Variants in MSI2 observed in about 807,000 individuals in gnomAD.
MSI2 encodes the protein musashi RNA binding protein 2, also known as RNA-binding protein Musashi homolog 2.
A neutral mutation model predicts 45.6 loss-of-function variants in MSI2; 17 were observed. The observed-to-expected ratio is 0.37, with a 90% CI of 0.26 to 0.56. MSI2 has a LOEUF of 0.56. Among genes scored for constraint, MSI2 ranks in the 20% least tolerant of loss-of-function variants. The pLI is 0.77. For missense variants in MSI2, 293 were observed against 444.2 expected (o/e 0.66, Z 3.06); for synonymous variants, 156 against 158.2 (o/e 0.99, Z 0.11).
At chr17:57,401,348 A>G (rs1256054663) in intron 5 of MSI2, 31 bp from the exon 6 acceptor site, 1 of 1,576,196 alleles carries the variant, frequency 6.3e-7, no homozygotes, top group East Asian at 2.2e-5. Flanking sequence ...AACCTGGTTA[A>G]CCCATGCCTT....
intron 5 of MSI2, among the ~76,000 whole-genome samples, chr17:57,331,909 T>TACAAC (rs1384318331): frequency 3.9e-5 from 6 of 152,234 alleles, no homozygotes; most frequent in African/African-American, 1.4e-4. Context: ...CTTTTAGTGT[T>TACAAC]ACAACCTTGA....
At chr17:57,288,370 G>A (rs1377120804) in intron 5 of MSI2, among the ~76,000 whole-genome samples, 5 of 152,144 alleles carry the variant, frequency 3.3e-5, no homozygotes, top group Admixed American at 1.3e-4. Flanking sequence ...GCTTTGGACC[G>A]AGAGGCCCGA....
At chr17:57,517,899 G>A (rs1032159198) in intron 6 of MSI2, among the ~76,000 whole-genome samples, 9 of 152,268 alleles carry the variant, frequency 5.9e-5, no homozygotes, top group South Asian at 2.1e-4. Context: ...GGGAGGCACC[G>A]TAGTACAGGG....
chr17:57,358,866 A>G (rs1916629087), intron 5 of MSI2, among the ~76,000 whole-genome samples: 1 of 152,138 alleles, frequency 6.6e-6, no homozygotes, highest in African/African-American at 2.4e-5. Flanking sequence ...GCTAGGGCCC[A>G]GCCCTAGCAA....
intron 5 of MSI2, among the ~76,000 whole-genome samples, chr17:57,352,807 C>T (rs1916126776): frequency 6.6e-6 from 1 of 152,166 alleles, no homozygotes; most frequent in African/African-American, 2.4e-5. Flanking sequence ...CTCTGGCTAC[C>T]AGTTTGCCTT....
intron 4 of MSI2, among the ~76,000 whole-genome samples, chr17:57,259,413 GTGA>G (rs1040637397): frequency 1.3e-5 from 2 of 152,196 alleles, no homozygotes; most frequent in African/African-American, 2.4e-5. Context: ...GTGGACCAAG[GTGA>G]TCTTTCAAGC....
At chr17:57,527,247 C>T (rs919004746) in intron 6 of MSI2, among the ~76,000 whole-genome samples, 1 of 111,078 alleles carries the variant, frequency 9.0e-6, no homozygotes, top group Non-Finnish European at 1.8e-5. Flanking sequence ...CTGCGTGATA[C>T]CTGGCAGGAC....
intron 1 of MSI2, 32 bp downstream of exon 1, chr17:57,256,836 C>A: frequency 7.0e-7 from 1 of 1,429,960 alleles, no homozygotes; most frequent in Non-Finnish European, 9.2e-7. Context: ...ACCGCGCCGC[C>A]TTGGGCTCGC....
chr17:57,545,478 G>C (rs2087143911), intron 7 of MSI2, among the ~76,000 whole-genome samples: 1 of 152,128 alleles, frequency 6.6e-6, no homozygotes, highest in Non-Finnish European at 1.5e-5. Flanking sequence ...TCAGAGCAGA[G>C]CCCCCTTTAG....
At chr17:57,473,831 G>A (rs902291939) in intron 6 of MSI2, among the ~76,000 whole-genome samples, 2 of 152,210 alleles carry the variant, frequency 1.3e-5, no homozygotes, top group Non-Finnish European at 2.9e-5. Context: ...AGTTTGCAGG[G>A]GAAGGTGGCC....
chr17:57,485,129 T>A (rs992574661), intron 6 of MSI2, among the ~76,000 whole-genome samples: 1 of 152,134 alleles, frequency 6.6e-6, no homozygotes, highest in South Asian at 2.1e-4. Context: ...CCAGAGTGGG[T>A]TTTGTTTCCC....
chr17:57,509,844 T>C (rs565024155), intron 6 of MSI2, among the ~76,000 whole-genome samples: 7 of 152,220 alleles, frequency 4.6e-5, no homozygotes, highest in Non-Finnish European at 8.8e-5. Context: ...TTTTCTGCTT[T>C]TTCAAAACTT....
Position 57,351,870 on chromosome 17 carries a change from A to C in MSI2, c.313-49509A>C, listed in dbSNP as rs76216718. Among the ~76,000 whole-genome samples the C allele has an allele frequency of 6.5e-3, 987 of 152,284 alleles. 8 individuals carry two copies. Among genetic ancestry groups the C allele is most frequent in the African/African-American group, 0.022 (930 of 41,564 alleles). On this transcript the variant is annotated intron_variant, in intron 5 of 13. Transcript: ENST00000284073. ...ACTGTGTCACACACACACAAAACAAAAACAAACAGCCCCAAAAAACCACAC... is the reference window on the plus strand; with the variant it reads ...ACTGTGTCACACACACACAAAACAACAACAAACAGCCCCAAAAAACCACAC...
intron 6 of MSI2, among the ~76,000 whole-genome samples, chr17:57,428,003 T>A (rs967864790): frequency 1.3e-5 from 2 of 152,186 alleles, no homozygotes; most frequent in African/African-American, 2.4e-5. Flanking sequence ...ATTTTCACTG[T>A]CTCAGCAAGG....
intron 5 of MSI2, among the ~76,000 whole-genome samples, chr17:57,362,649 GA>G (rs976940585): frequency 4.3e-4 from 66 of 152,100 alleles, no homozygotes; most frequent in Admixed American, 2.2e-3. Context: ...TTCTAGGGGG[GA>G]AAAAAGTGCC....
At chr17:57,423,363 C>A (rs539014417) in intron 6 of MSI2, among the ~76,000 whole-genome samples, 2 of 152,206 alleles carry the variant, frequency 1.3e-5, no homozygotes, top group Non-Finnish European at 2.9e-5. Flanking sequence ...AATGTAAAGA[C>A]CTGCTAATTT....
At chr17:57,435,430 G>A (rs937747171) in intron 6 of MSI2, among the ~76,000 whole-genome samples, 2 of 152,172 alleles carry the variant, frequency 1.3e-5, no homozygotes, top group East Asian at 1.9e-4. Context: ...TCCAAGTGCC[G>A]TGGAAAGCCT....
chr17:57,620,007 T>C (rs978964509), intron 9 of MSI2, among the ~76,000 whole-genome samples: 1 of 152,196 alleles, frequency 6.6e-6, no homozygotes, highest in African/African-American at 2.4e-5. Context: ...CCCCAGACCC[T>C]ATCCAGCCCA....
intron 10 of MSI2, among the ~76,000 whole-genome samples, chr17:57,639,611 G>A (rs1035844395): frequency 2.6e-5 from 4 of 152,226 alleles, no homozygotes; most frequent in East Asian, 1.9e-4. Context: ...CTTTGAGGTG[G>A]GAAAGGGAGA....
Sources: allele counts gnomAD v4.1 joint callset (sites outside exome capture counted in the v4.1 genomes callset), GRCh38; gene constraint gnomAD v4.1.1; transcripts MANE v1.5; gene names NCBI Gene and HGNC (gene_info 2026-07-23, HGNC 2026-07-21).